The following SLC24A2 variants were observed in gnomAD, a reference collection of about 807,000 sequenced individuals.
The protein encoded by SLC24A2 is sodium/potassium/calcium exchanger 2.
Under a neutral mutation model 62.0 loss-of-function variants are expected in SLC24A2, and 36 were observed. That is an observed-to-expected ratio of 0.58 (90% CI 0.44 to 0.77). The LOEUF is 0.77. SLC24A2 is among the 30% of genes least tolerant of loss of function. SLC24A2 has a pLI of 0.00. For synonymous variants in SLC24A2, 358 were observed against 294.0 expected, an observed-to-expected ratio of 1.22 and a Z score of -2.23; for missense variants, 846 against 817.9, an observed-to-expected ratio of 1.03 and a Z score of -0.42.
chr9:19,846,518 T>C, the SLC24A2 span, among the ~76,000 whole-genome samples: 21 of 152,314 alleles, frequency 1.4e-4, no homozygotes, highest in African/African-American at 5.1e-4. Context: ...AGACAGCAGA[T>C]GAATGGGTCT....
At chr9:19,699,796 T>G (rs573679118) in intron 2 of SLC24A2, among the ~76,000 whole-genome samples, 10 of 152,294 alleles carry the variant, frequency 6.6e-5, no homozygotes, top group Middle Eastern at 3.4e-3. Flanking sequence ...TTTAATAATT[T>G]AGAAAAAATA....
rs1042082266 is a variant in SLC24A2 at position 19,515,110 on chromosome 9, C to G, written c.*1043G>C. The G allele has an allele frequency of 7.2e-5, 11 of 152,044 alleles. No homozygotes were observed. Among genetic ancestry groups the G allele is most frequent in the Non-Finnish European group, 1.5e-4 (10 of 68,018 alleles). The allele number at this position is 152,044 out of a possible 1,614,324, so 9.4% of individuals were successfully genotyped here. On this transcript the variant is annotated 3_prime_UTR_variant, in exon 11 of 11. Transcript: ENST00000341998. Reference sequence around the variant, plus strand: ...TACATGACAATCACAGCTAAACTTACCCCTCTTCTTTTGATGATAATGGGA... The same window carrying G: ...TACATGACAATCACAGCTAAACTTAGCCCTCTTCTTTTGATGATAATGGGA...
chr9:20,189,516 T>C, the SLC24A2 span, among the ~76,000 whole-genome samples: 9 of 152,164 alleles, frequency 5.9e-5, no homozygotes, highest in African/African-American at 1.4e-4. Flanking sequence ...AGAAAGAAAG[T>C]GTGGGGAGTG....
At chr9:19,569,814 CCTCT>C (rs1391192054) in intron 7 of SLC24A2, among the ~76,000 whole-genome samples, 1 of 152,146 alleles carries the variant, frequency 6.6e-6, no homozygotes, top group Non-Finnish European at 1.5e-5. Flanking sequence ...TCCTTCCACT[CCTCT>C]CTCTCCAGCC....
At chr9:19,667,851 T>C (rs560767357) in intron 2 of SLC24A2, among the ~76,000 whole-genome samples, 105 of 152,176 alleles carry the variant, frequency 6.9e-4, no homozygotes, top group Non-Finnish European at 1.4e-3. Context: ...TTTTTCTCTG[T>C]CTTGTCACCC....
chr9:20,016,730 C>A, the SLC24A2 span, among the ~76,000 whole-genome samples: 11 of 152,136 alleles, frequency 7.2e-5, no homozygotes, highest in African/African-American at 2.7e-4. Context: ...TACAACTACA[C>A]ACACACACAA....
the SLC24A2 span, among the ~76,000 whole-genome samples, chr9:20,114,249 G>A: frequency 2.0e-5 from 3 of 152,176 alleles, no homozygotes; most frequent in East Asian, 5.8e-4. Flanking sequence ...ACCGCAAAGG[G>A]GACAGATGAA....
chr9:19,559,665 C>G (rs1285239810), intron 7 of SLC24A2, among the ~76,000 whole-genome samples: 1 of 151,980 alleles, frequency 6.6e-6, no homozygotes, highest in African/African-American at 2.4e-5. Flanking sequence ...TGAAAGGTGC[C>G]CCCCCAGAAA....
chr9:20,031,608 G>A, the SLC24A2 span, among the ~76,000 whole-genome samples: 2 of 152,228 alleles, frequency 1.3e-5, no homozygotes, highest in South Asian at 2.1e-4. Context: ...TAACACCAAT[G>A]TCTATCACAG....
At chr9:20,258,815 C>CTAT in the SLC24A2 span, among the ~76,000 whole-genome samples, 852 of 121,152 alleles carry the variant, frequency 7.0e-3, 11 homozygotes, top group South Asian at 0.031. Flanking sequence ...TATCTATCTA[C>CTAT]CTTATCTATC....
chr9:20,166,521 C>G, the SLC24A2 span, among the ~76,000 whole-genome samples: 2 of 151,852 alleles, frequency 1.3e-5, no homozygotes, highest in Admixed American at 6.6e-5. Flanking sequence ...TTCCAGGATA[C>G]CTTATTAGGT....
chr9:19,680,036 C>G (rs1456966571), intron 2 of SLC24A2, among the ~76,000 whole-genome samples: 1 of 152,126 alleles, frequency 6.6e-6, no homozygotes, highest in East Asian at 1.9e-4. Flanking sequence ...ATGGGCTCTT[C>G]CAACTAAACA....
At chr9:19,588,342 A>AG (rs1162913039) in intron 5 of SLC24A2, among the ~76,000 whole-genome samples, 2 of 152,054 alleles carry the variant, frequency 1.3e-5, no homozygotes, top group Admixed American at 6.6e-5. Context: ...TGTGCACAGT[A>AG]GGGGCTCTCT....
chr9:19,520,899 A>G lies in SLC24A2; in HGVS notation c.1731T>C (p.Thr577=), dbSNP rs776666388. Residue 577 remains threonine, a synonymous_variant, in exon 10 of 11, where the codon ACT becomes ACC. Transcript: ENST00000341998. ...GTAGAACTACCTCTACTCACCCTAC[A>G]GTGATGTCAAAAATGTTGCTTCCAA... The part of the protein sequence containing the change: ...SSVGSNIFDI[T]VGLPLPWLLY... The G allele has an allele frequency of 2.5e-6, 4 of 1,613,918 alleles. No homozygotes were observed. The highest frequency in any genetic ancestry group is 1.3e-5 in the African/African-American group (1 of 75,020).
In SLC24A2 at chr9:19,774,133, G is replaced by A. The variant is rs183036652; in HGVS notation, c.930+11804C>T. Among the ~76,000 whole-genome samples, 3 of 152,284 alleles carry A rather than the reference G, an allele frequency of 2.0e-5. No homozygotes were observed. The East Asian group carries it at 5.8e-4, about 29-fold the overall frequency. ...GAAAGATAGGACTGAAGAAGAGTAG[G>A]CTTGTAGCACAGAGAAGGGACTCAG... On this transcript the variant is annotated intron_variant, in intron 2 of 10. Transcript: ENST00000341998.
chr9:19,902,463 T>C, the SLC24A2 span, among the ~76,000 whole-genome samples: 4 of 152,156 alleles, frequency 2.6e-5, no homozygotes, highest in Non-Finnish European at 4.4e-5. Flanking sequence ...AATCAGATAT[T>C]TTTTTAATGG....
At chr9:19,887,487 A>C in the SLC24A2 span, among the ~76,000 whole-genome samples, 1 of 152,218 alleles carries the variant, frequency 6.6e-6, no homozygotes, top group African/African-American at 2.4e-5. Context: ...AATGCAAATC[A>C]AAACAACAAT....
intron 1 of SLC24A2, chr9:19,788,656 C>T (rs1323325445): frequency 2.0e-6 from 2 of 985,202 alleles, no homozygotes; most frequent in East Asian, 2.3e-4. Flanking sequence ...GGCCCTGCCC[C>T]ACGCCCCCCA....
the SLC24A2 span, among the ~76,000 whole-genome samples, chr9:19,896,403 T>A: frequency 2.8e-4 from 42 of 152,232 alleles, no homozygotes; most frequent in Admixed American, 1.1e-3. Flanking sequence ...GTACAGTGCT[T>A]GAGCTTTGAA....
Sources: allele counts gnomAD v4.1 joint callset (sites outside exome capture counted in the v4.1 genomes callset), GRCh38; gene constraint gnomAD v4.1.1; transcripts MANE v1.5; gene names NCBI Gene and HGNC (gene_info 2026-07-23, HGNC 2026-07-21).